The following NLGN1 variants were observed in gnomAD, a reference collection of about 807,000 sequenced individuals.
The protein encoded by NLGN1 is neuroligin-1.
A neutral mutation model predicts 65.5 loss-of-function variants in NLGN1; 12 were observed. The observed-to-expected ratio is 0.18, with a 90% confidence interval of 0.12 to 0.30. The LOEUF is 0.30. Among genes scored for constraint, NLGN1 ranks in the 10% least tolerant of loss-of-function variants. NLGN1 has a pLI of 1.00. For missense variants in NLGN1, 750 were observed against 1,007.1 expected (o/e 0.74, Z 3.46); for synonymous variants, 350 against 359.5 (o/e 0.97, Z 0.30).
chr3:174,176,629 G>T (rs933797800), intron 4 of NLGN1, among the ~76,000 whole-genome samples: 1 of 151,952 alleles, frequency 6.6e-6, no homozygotes, highest in Non-Finnish European at 1.5e-5. Context: ...TGTTCTGTTT[G>T]TTCAAATGCA....
intron 2 of NLGN1, among the ~76,000 whole-genome samples, chr3:173,448,231 C>G (rs9755107): frequency 1.3e-5 from 2 of 151,892 alleles, no homozygotes; most frequent in African/African-American, 4.8e-5. Flanking sequence ...TTTGAGATAC[C>G]TCCCATCAAT....
rs867566663 is a variant in NLGN1 at position 173,719,392 on chromosome 3, T to C, written c.494-88288T>C. On this transcript the variant is annotated intron_variant, in intron 3 of 6. Transcript: ENST00000457714. ...GCTCTAGACCTTCCTTTTGTCAATT[T>C]TTTTTAAACAAAAGTGACCGTCCCA... Among the ~76,000 whole-genome samples the C allele has an allele frequency of 3.3e-5, 5 of 152,216 alleles. No homozygotes were observed. In the South Asian group the frequency reaches 6.2e-4, roughly 19 times the overall value.
At position 174,197,808 on chromosome 3, in the gene NLGN1, G is replaced by T. The variant is rs116553717; in HGVS notation, c.647-77507G>T. ...GATAAGTTAATCTGTCCTAAAAACTGCTTTAAAATCATATTTTGTTAAGAT... is the reference window on the plus strand; with the variant it reads ...GATAAGTTAATCTGTCCTAAAAACTTCTTTAAAATCATATTTTGTTAAGAT... On this transcript the variant is annotated intron_variant, in intron 4 of 6. Transcript: ENST00000457714. Among the ~76,000 whole-genome samples the T allele has an allele frequency of 3.3e-3, 493 of 148,930 alleles. 3 individuals carry two copies. Among genetic ancestry groups the T allele is most frequent in the African/African-American group, 0.012 (471 of 40,490 alleles).
rs1431562911 is a variant in NLGN1 at position 174,263,064 on chromosome 3, G to T, written c.647-12251G>T. Among the ~76,000 whole-genome samples the T allele has an allele frequency of 9.4e-3, 1,317 of 140,582 alleles. 7 individuals carry two copies. The highest frequency in any genetic ancestry group is 0.026 in the Middle Eastern group (7 of 274). The allele number at this position is 140,582 out of a possible 152,430, so 92.2% of individuals were successfully genotyped here. A position where few individuals can be genotyped will look rare whatever the true frequency, so the allele number is the denominator to read the frequency against. On this transcript the variant is annotated intron_variant, in intron 4 of 6. Coordinates refer to ENST00000457714, the Ensembl canonical transcript of NLGN1. ...GGTCTGAGAGATAGTTTGTTATAAT[G>T]TCTGTTCTTTTACATTTGCTGAGGA...
At chr3:173,503,270 A>G (rs73043543) in intron 2 of NLGN1, among the ~76,000 whole-genome samples, 4,708 of 152,150 alleles carry the variant, frequency 0.031, 236 homozygotes, top group African/African-American at 0.11. Flanking sequence ...AATGAAACAA[A>G]CCTTCTAGCA....
At chr3:173,818,438 T>G (rs1476778760) in intron 4 of NLGN1, among the ~76,000 whole-genome samples, 2 of 152,180 alleles carry the variant, frequency 1.3e-5, no homozygotes, top group Non-Finnish European at 2.9e-5. Flanking sequence ...GATAAAATAT[T>G]TTGAAATAAT....
chr3:173,481,478 TTTTG>T (rs2148968420), intron 2 of NLGN1, among the ~76,000 whole-genome samples: 1 of 152,064 alleles, frequency 6.6e-6, no homozygotes, highest in South Asian at 2.1e-4. Flanking sequence ...AACTTGTATA[TTTTG>T]TTTCTTTCAC....
At chr3:174,044,181 C>G (rs989551624) in intron 4 of NLGN1, among the ~76,000 whole-genome samples, 3 of 152,136 alleles carry the variant, frequency 2.0e-5, no homozygotes, top group Admixed American at 6.5e-5. Context: ...GCCCACAACA[C>G]CATTGTTTCC....
At chr3:174,237,818 A>G (rs1355697438) in intron 4 of NLGN1, among the ~76,000 whole-genome samples, 1 of 152,104 alleles carries the variant, frequency 6.6e-6, no homozygotes, top group Non-Finnish European at 1.5e-5. Context: ...CAGCCTCCCA[A>G]AGTGTTGGGG....
chr3:174,145,355 A>G (rs976776559), intron 4 of NLGN1, among the ~76,000 whole-genome samples: 1 of 152,052 alleles, frequency 6.6e-6, no homozygotes, highest in Non-Finnish European at 1.5e-5. Flanking sequence ...TCTACTAAAA[A>G]TACAAAAATT....
chr3:173,720,536 G>A (rs573768167), intron 3 of NLGN1, among the ~76,000 whole-genome samples: 1 of 152,136 alleles, frequency 6.6e-6, no homozygotes, highest in Non-Finnish European at 1.5e-5. Context: ...GAGAAGGTGG[G>A]AGTGGATATT....
chr3:173,810,388 A>G (rs1034062757), intron 4 of NLGN1, among the ~76,000 whole-genome samples: 1 of 152,106 alleles, frequency 6.6e-6, no homozygotes, highest in East Asian at 1.9e-4. Flanking sequence ...TTTGCACTTG[A>G]GTGATTAAGT....
chr3:173,413,751 T>C lies in NLGN1; in HGVS notation c.-390+15264T>C, dbSNP rs915950692. ...TTCAGGAGCCTTGACCCCAGATGTC[T>C]AGAGAAGTTCAGGGCCAGAGCAGCA... On this transcript the variant is annotated intron_variant, in intron 1 of 6. Coordinates refer to ENST00000457714, the Ensembl canonical transcript of NLGN1. Among the ~76,000 whole-genome samples, 4 of 152,288 alleles carry C rather than the reference T, an allele frequency of 2.6e-5. No homozygotes were observed. In the South Asian group the frequency reaches 8.3e-4, roughly 32 times the overall value.
intron 2 of NLGN1, among the ~76,000 whole-genome samples, chr3:173,488,868 CT>C (rs1249965879): frequency 2.7e-4 from 41 of 151,078 alleles, no homozygotes; most frequent in Non-Finnish European, 3.7e-4. Flanking sequence ...CATTTTTCTC[CT>C]CTGAAACTTT....
intron 2 of NLGN1, among the ~76,000 whole-genome samples, chr3:173,602,728 G>A (rs758106942): frequency 6.6e-6 from 1 of 152,016 alleles, no homozygotes; most frequent in Admixed American, 6.6e-5. Flanking sequence ...TCTGAGTTAG[G>A]TGTCAAAACA....
intron 4 of NLGN1, among the ~76,000 whole-genome samples, chr3:174,275,038 G>GT (rs1169774406): frequency 4.6e-5 from 7 of 151,924 alleles, no homozygotes; most frequent in Admixed American, 3.3e-4. Flanking sequence ...CTTCCCTGAG[G>GT]TTTTCAGAAT....
intron 4 of NLGN1, among the ~76,000 whole-genome samples, chr3:174,085,696 A>C (rs1743094958): frequency 6.6e-6 from 1 of 152,058 alleles, no homozygotes; most frequent in South Asian, 2.1e-4. Context: ...TTTCTTCTTT[A>C]AATTAAAAAT....
intron 4 of NLGN1, among the ~76,000 whole-genome samples, chr3:174,207,306 T>C (rs1735617669): frequency 6.6e-6 from 1 of 151,946 alleles, no homozygotes; most frequent in Admixed American, 6.6e-5. Context: ...TATCTCCTGG[T>C]GTAATGGCCC....
intron 3 of NLGN1, among the ~76,000 whole-genome samples, chr3:173,778,607 G>A (rs146622560): frequency 2.4e-4 from 37 of 151,864 alleles, no homozygotes; most frequent in African/African-American, 8.7e-4. Flanking sequence ...CTTTAAAATT[G>A]TTACACAAAG....
Sources: gnomAD v4.1 joint callset for allele counts (sites outside exome capture counted in the v4.1 genomes callset) on GRCh38, gnomAD v4.1.1 for gene constraint, MANE v1.5 for transcripts, NCBI Gene and HGNC (gene_info 2026-07-23, HGNC 2026-07-21) for gene names.